XYLT1: variants seen among roughly 807,000 people sequenced by gnomAD.
XYLT1 encodes the protein xylosyltransferase 1, also known as beta-D-xylosyltransferase 1.
XYLT1 carries 36 observed loss-of-function variants against 91.3 expected under a neutral mutation model. The observed-to-expected ratio is 0.39, with a 90% confidence interval of 0.30 to 0.52. The LOEUF is 0.52. Ranked by LOEUF, XYLT1 falls within the 20% of genes least tolerant of loss-of-function variation. The pLI is 0.68. For missense variants in XYLT1, 1,242 were observed against 1,284.5 expected (o/e 0.97, Z 0.51); for synonymous variants, 588 against 532.0 (o/e 1.11, Z -1.45).
intron 1 of XYLT1, among the ~76,000 whole-genome samples, chr16:17,406,825 A>T (rs2036039487): frequency 6.6e-6 from 1 of 152,016 alleles, no homozygotes; most frequent in Admixed American, 6.6e-5. Flanking sequence ...TGTTCACTCA[A>T]TGTTCCTTCA....
chr16:17,351,512 CAA>C (rs896073705), intron 2 of XYLT1, among the ~76,000 whole-genome samples: 3 of 150,908 alleles, frequency 2.0e-5, no homozygotes, highest in Admixed American at 2.0e-4. Flanking sequence ...GACTCTGTCT[CAA>C]AAAAAATAAA....
intron 1 of XYLT1, 53 bp from the exon 2 acceptor site, chr16:17,358,103 C>T (rs948265985): frequency 1.1e-5 from 17 of 1,528,146 alleles, no homozygotes; most frequent in Admixed American, 5.8e-5. Context: ...AGTTAACTTA[C>T]TACCCCAGCA....
At chr16:17,182,563 C>A (rs2032095445) in intron 5 of XYLT1, among the ~76,000 whole-genome samples, 1 of 152,028 alleles carries the variant, frequency 6.6e-6, no homozygotes, top group Non-Finnish European at 1.5e-5. Flanking sequence ...CAACAGGATT[C>A]AAATCCAGGT....
At chr16:17,130,930 G>A (rs945802168) in intron 9 of XYLT1, among the ~76,000 whole-genome samples, 1 of 151,990 alleles carries the variant, frequency 6.6e-6, no homozygotes, top group Admixed American at 6.6e-5. Context: ...CTTCCTCATT[G>A]CTGCCTCTGA....
chr16:17,415,009 C>T (rs923073903), intron 1 of XYLT1, among the ~76,000 whole-genome samples: 1 of 152,154 alleles, frequency 6.6e-6, no homozygotes, highest in Non-Finnish European at 1.5e-5. Flanking sequence ...TCAGCACTTC[C>T]CGCGTGTCTG....
intron 1 of XYLT1, among the ~76,000 whole-genome samples, chr16:17,440,790 C>G (rs1330425961): frequency 6.6e-6 from 1 of 152,092 alleles, no homozygotes; most frequent in Non-Finnish European, 1.5e-5. Context: ...CTATAATAAC[C>G]CAGGCTGGAG....
chr16:17,261,977 T>C (rs947036295), intron 2 of XYLT1, among the ~76,000 whole-genome samples: 1 of 152,192 alleles, frequency 6.6e-6, no homozygotes, highest in Non-Finnish European at 1.5e-5. Flanking sequence ...TTTATTCTTG[T>C]AACCTAAACA....
At chr16:17,109,067 T>G (rs1190402411) in intron 11 of XYLT1, 50 bp from the exon 12 acceptor site, 3 of 1,476,342 alleles carry the variant, frequency 2.0e-6, no homozygotes, top group Non-Finnish European at 2.7e-6. Context: ...ACCAATAGGA[T>G]GCCTATTCAT....
rs2032523547 is a variant in XYLT1 at position 17,200,636 on chromosome 16, A to G, written c.932T>C (p.Val311Ala). 1 of 1,613,572 alleles carries G rather than the reference A, an allele frequency of 6.2e-7. No individual in the cohort carries two copies. The highest frequency in any genetic ancestry group is 1.7e-5 in the Admixed American group (1 of 59,996). Residue 311 changes from valine (V) to alanine (A), a missense_variant, in exon 4 of 12, where the codon GTG (valine) becomes GCG (alanine). Physicochemically the swap from Val to Ala is moderately conservative, Grantham distance 64. This residue lies in a region of XYLT1 where 437 missense variants were observed against 411.5 expected (regional missense o/e 1.06). Coordinates refer to ENST00000261381, the MANE Select transcript of XYLT1 (RefSeq NM_022166.4). ...CTCCACGGAGTCCTCGTCCCACTGC[A>G]CGTTCTTGTTGGCTTTACCTGGGGA... The part of the protein sequence containing the change: ...CPLEGKANKN[V>A]QWDEDSVEYM...
intron 2 of XYLT1, among the ~76,000 whole-genome samples, chr16:17,347,103 C>T (rs1013508213): frequency 1.3e-5 from 2 of 152,214 alleles, no homozygotes; most frequent in African/African-American, 2.4e-5. Flanking sequence ...TCCCTGTTGG[C>T]TCTCAGAGGT....
At chr16:17,269,894 C>A (rs2141771144) in intron 2 of XYLT1, among the ~76,000 whole-genome samples, 1 of 151,968 alleles carries the variant, frequency 6.6e-6, no homozygotes, top group East Asian at 1.9e-4. Flanking sequence ...TCAGTGCAAC[C>A]TCCGCCTCCC....
chr16:17,147,857 C>T (rs2031175531), intron 6 of XYLT1, among the ~76,000 whole-genome samples: 1 of 152,208 alleles, frequency 6.6e-6, no homozygotes, highest in South Asian at 2.1e-4. Flanking sequence ...TAAAATATGG[C>T]TCACCAACAA....
intron 5 of XYLT1, among the ~76,000 whole-genome samples, chr16:17,173,054 C>CA (rs1555485154): frequency 2.6e-5 from 4 of 151,704 alleles, no homozygotes; most frequent in African/African-American, 4.9e-5. Flanking sequence ...AACAAACAAA[C>CA]AAAAAAAACC....
At chr16:17,272,129 CTT>C (rs1012121577) in intron 2 of XYLT1, among the ~76,000 whole-genome samples, 28 of 104,434 alleles carry the variant, frequency 2.7e-4, no homozygotes, top group Non-Finnish European at 4.7e-4. Flanking sequence ...GATGGCATGT[CTT>C]TTAATTTATT....
chr16:17,185,173 C>T (rs1174052075), intron 5 of XYLT1, among the ~76,000 whole-genome samples: 1 of 152,220 alleles, frequency 6.6e-6, no homozygotes, highest in Non-Finnish European at 1.5e-5. Context: ...AGACCCAGGA[C>T]AACTGGCAAG....
At chr16:17,188,715 A>G (rs2032244052) in intron 5 of XYLT1, among the ~76,000 whole-genome samples, 1 of 152,108 alleles carries the variant, frequency 6.6e-6, no homozygotes, top group South Asian at 2.1e-4. Context: ...TCCTTCCTCT[A>G]TTAATAACCA....
intron 1 of XYLT1, among the ~76,000 whole-genome samples, chr16:17,378,282 G>A (rs1359223374): frequency 3.3e-5 from 5 of 151,798 alleles, no homozygotes; most frequent in South Asian, 2.1e-4. Flanking sequence ...TACCAAATAG[G>A]TATTTATTTG....
chr16:17,390,211 G>T (rs987673508), intron 1 of XYLT1, among the ~76,000 whole-genome samples: 7 of 152,072 alleles, frequency 4.6e-5, no homozygotes, highest in African/African-American at 1.4e-4. Flanking sequence ...ATAGGGCCCT[G>T]AGCCGAACCA....
chr16:17,375,540 G>C (rs1053169677), intron 1 of XYLT1, among the ~76,000 whole-genome samples: 5 of 149,874 alleles, frequency 3.3e-5, no homozygotes, highest in African/African-American at 4.9e-5. Context: ...AAAACAAGTT[G>C]CTCTGAGTCT....
Sources: gnomAD v4.1 joint callset for allele counts (sites outside exome capture counted in the v4.1 genomes callset) on GRCh38, gnomAD v4.1.1 for gene constraint, gnomAD v4.1.1 regional missense constraint, MANE v1.5 for transcripts, NCBI Gene and HGNC (gene_info 2026-07-23, HGNC 2026-07-21) for gene names.